The following ATP9A variants were observed in gnomAD, a reference collection of about 807,000 sequenced individuals.
ATP9A encodes the protein probable phospholipid-transporting ATPase IIA.
Under a neutral mutation model 144.1 loss-of-function variants are expected in ATP9A, and 52 were observed. That is an observed-to-expected ratio of 0.36 (90% CI 0.29 to 0.45). The LOEUF (loss-of-function observed/expected upper bound fraction) is 0.45. ATP9A is among the 20% of genes least tolerant of loss of function. The pLI is 1.00. For missense variants in ATP9A, 947 were observed against 1,392.7 expected, an observed-to-expected ratio of 0.68 and a Z score of 5.09; for synonymous variants, 582 against 557.4, an observed-to-expected ratio of 1.04 and a Z score of -0.62.
intron 3 of ATP9A, among the ~76,000 whole-genome samples, chr20:51,719,426 A>AT (rs1046521781): frequency 2.0e-5 from 3 of 152,046 alleles, no homozygotes; most frequent in African/African-American, 4.8e-5. Context: ...TGTGTATCTT[A>AT]TTTTTTTCCT....
chr20:51,742,109 A>T (rs1366366213), intron 1 of ATP9A, among the ~76,000 whole-genome samples: 1 of 152,158 alleles, frequency 6.6e-6, no homozygotes, highest in Non-Finnish European at 1.5e-5. Context: ...AAACAGCTTG[A>T]GTTCAGGAGT....
At chr20:51,658,378 AG>A (rs1391931736) in intron 13 of ATP9A, among the ~76,000 whole-genome samples, 2 of 151,856 alleles carry the variant, frequency 1.3e-5, no homozygotes, top group Non-Finnish European at 2.9e-5. Flanking sequence ...AGTGAACTAG[AG>A]GTGGTTTTCA....
chr20:51,626,505 AAAAG>A (rs1252961775), intron 17 of ATP9A, among the ~76,000 whole-genome samples: 1 of 151,522 alleles, frequency 6.6e-6, no homozygotes, highest in Admixed American at 6.6e-5. Context: ...AAAAAAAAAA[AAAAG>A]AAAAGAAATT....
intron 1 of ATP9A, chr20:51,734,469 C>T (rs1268065389): frequency 1.3e-5 from 2 of 152,184 alleles, no homozygotes; most frequent in Admixed American, 6.6e-5. Flanking sequence ...TTCCTAACCC[C>T]CTCTAAAGCA....
At chr20:51,616,881 C>G (rs114993865) in intron 22 of ATP9A, among the ~76,000 whole-genome samples, 4 of 151,930 alleles carry the variant, frequency 2.6e-5, no homozygotes, top group African/African-American at 9.7e-5. Context: ...TTACTGACAA[C>G]GCTGACTGTC....
chr20:51,690,544 C>A (rs2077543988), intron 8 of ATP9A, among the ~76,000 whole-genome samples, 195 bp downstream of exon 8: 1 of 152,182 alleles, frequency 6.6e-6, no homozygotes, highest in Non-Finnish European at 1.5e-5. Flanking sequence ...TAAGCTGTTC[C>A]AAGGCCAGAA....
intron 19 of ATP9A, among the ~76,000 whole-genome samples, chr20:51,620,435 T>C (rs2077221915): frequency 6.6e-6 from 1 of 152,132 alleles, no homozygotes; most frequent in African/African-American, 2.4e-5. Flanking sequence ...CAGGGTTAGG[T>C]TTTTGCCCCT....
intron 14 of ATP9A, among the ~76,000 whole-genome samples, chr20:51,648,205 T>G (rs1023379298): frequency 2.0e-5 from 3 of 152,064 alleles, no homozygotes; most frequent in Non-Finnish European, 4.4e-5. Context: ...CATCTTATGG[T>G]TCACCAAGAA....
Position 51,604,967 on chromosome 20 carries a change from T to C in ATP9A, c.2857A>G (p.Ile953Val), listed in dbSNP as rs1199091954. The C allele has an allele frequency of 1.2e-6, 2 of 1,612,922 alleles. No homozygotes were observed. Among genetic ancestry groups the C allele is most frequent in the Non-Finnish European group, 1.7e-6 (2 of 1,179,564 alleles). ...AGCGAGGTGAAGGAGATGGCCACGA[T>C]GTGCACGAACTCCGACTCAAACAGC... ...LLLFESEFVH[I>V]VAISFTSLIL... The change falls in exon 27 of 28, where the codon ATC becomes GTC. Residue 953 changes from isoleucine to valine, a missense_variant. Ile to Val is a conservative substitution (Grantham distance 29). Transcript: ENST00000338821.
At chr20:51,766,996 A>G (rs1016507093) in intron 1 of ATP9A, among the ~76,000 whole-genome samples, 9 of 151,788 alleles carry the variant, frequency 5.9e-5, no homozygotes, top group Admixed American at 1.3e-4. Flanking sequence ...CCTCTGGGTA[A>G]TATCAGTGAG....
At chr20:51,644,375 C>T (rs942889256) in intron 14 of ATP9A, among the ~76,000 whole-genome samples, 64 of 145,648 alleles carry the variant, frequency 4.4e-4, no homozygotes, top group African/African-American at 1.6e-3. Flanking sequence ...TGGGTTCATG[C>T]CATTCTCCTG....
At position 51,658,894 on chromosome 20, in the gene ATP9A, G is replaced by GCGGGGC. The variant is rs1568807189; in HGVS notation, c.1294-1745_1294-1744insGCCCCG. ...TGAAAATTAAGACCACTGGCGGGGG[G>GCGGGGC]GGGGGGGGGAAGGCTCATTGTTGAA... is the stretch of plus-strand genomic sequence containing the variant. On this transcript the variant is annotated intron_variant, in intron 13 of 27. Transcript: ENST00000338821. Among the ~76,000 whole-genome samples, 16 of 112,458 alleles carry GCGGGGC rather than the reference G, an allele frequency of 1.4e-4. 2 individuals carry two copies. In the South Asian group the frequency reaches 4.9e-3, roughly 35 times the overall value. 73.8% of individuals were successfully genotyped at this position (112,458 alleles called of 152,430 possible).
chr20:51,665,734 A>C (rs74274918), intron 13 of ATP9A, among the ~76,000 whole-genome samples: 35,634 of 150,686 alleles, frequency 0.24, 5,035 homozygotes, highest in East Asian at 0.49. Context: ...CAAAAAAAAA[A>C]AAAAAAAGTA....
chr20:51,622,971 GCT>G (rs1187845609), intron 18 of ATP9A, among the ~76,000 whole-genome samples: 1 of 152,160 alleles, frequency 6.6e-6, no homozygotes, highest in East Asian at 1.9e-4. Flanking sequence ...CCCACGCTGA[GCT>G]CTCTGTTACC....
intron 13 of ATP9A, among the ~76,000 whole-genome samples, chr20:51,660,265 G>A (rs1053045955): frequency 6.6e-6 from 1 of 152,210 alleles, no homozygotes; most frequent in Non-Finnish European, 1.5e-5. Context: ...GCTGTACTGA[G>A]GGCATCCTTC....
chr20:51,647,825 C>A (rs1331131817), intron 14 of ATP9A, among the ~76,000 whole-genome samples: 1 of 152,200 alleles, frequency 6.6e-6, no homozygotes, highest in Non-Finnish European at 1.5e-5. Flanking sequence ...GCCTCTATGG[C>A]CCATGGATAA....
Position 51,604,877 on chromosome 20 carries a change from C to T in ATP9A, c.2947G>A (p.Ala983Thr). 1 of 1,598,210 alleles carries T rather than the reference C, an allele frequency of 6.3e-7. No individual in the cohort carries two copies. Among genetic ancestry groups the T allele is most frequent in the Non-Finnish European group, 8.5e-7 (1 of 1,171,886 alleles). ...TAGCAGGCCAGGCTGAGCAGCTCCG[C>T]CACTGTCATGAGCCAGTGCCAGGTC... ...IQTWHWLMTV[A>T]ELLSLACYIA... Residue 983 changes from alanine (A) to threonine (T), a missense_variant, in exon 27 of 28, where the codon GCG becomes ACG. This residue lies in a region of ATP9A where 177 missense variants were observed against 344.9 expected (regional missense o/e 0.51). Coordinates refer to ENST00000338821, the MANE Select transcript of ATP9A (RefSeq NM_006045.3).
At chr20:51,677,858 G>A (rs559691967) in intron 9 of ATP9A, among the ~76,000 whole-genome samples, 138 of 152,168 alleles carry the variant, frequency 9.1e-4, no homozygotes, top group African/African-American at 3.0e-3. Flanking sequence ...ATCAAAAAAT[G>A]CAAAATCATT....
chr20:51,663,694 T>C (rs2077420583), intron 13 of ATP9A, among the ~76,000 whole-genome samples: 1 of 149,494 alleles, frequency 6.7e-6, no homozygotes. Flanking sequence ...CTTGGGAGGC[T>C]GAGGCAAGAG....
Sources: allele counts gnomAD v4.1 joint callset (sites outside exome capture counted in the v4.1 genomes callset), GRCh38; gene constraint gnomAD v4.1.1; regional missense constraint gnomAD v4.1.1; transcripts MANE v1.5; gene names NCBI Gene and HGNC (gene_info 2026-07-23, HGNC 2026-07-21).